JADE3: variants seen among roughly 807,000 people sequenced by gnomAD.
JADE3 encodes protein Jade-3.
JADE3 carries 2 observed loss-of-function variants against 50.1 expected under a neutral mutation model. The observed-to-expected ratio is 0.04, with a 90% CI of 0.02 to 0.13. JADE3 has a LOEUF of 0.13. JADE3 is among the 10% of genes least tolerant of loss of function. The pLI, the probability that JADE3 is intolerant of heterozygous loss-of-function variation, is 1.00. For missense variants in JADE3, 475 were observed against 634.4 expected (o/e 0.75, Z 2.70); for synonymous variants, 218 against 232.9 (o/e 0.94, Z 0.58).
intron 3 of JADE3, among the ~76,000 whole-genome samples, chrX:46,986,071 A>T (rs900610068): frequency 9.0e-6 from 1 of 111,243 alleles, no homozygotes; most frequent in African/African-American, 3.3e-5. Flanking sequence ...GTGATCACAT[A>T]TGCTAGCTCT....
At chrX:46,995,928 G>A (rs1398760098) in intron 3 of JADE3, among the ~76,000 whole-genome samples, 1 of 112,450 alleles carries the variant, frequency 8.9e-6, no homozygotes, top group Non-Finnish European at 1.9e-5. Context: ...TTTCTCTAAA[G>A]GGGAAGGAAA....
chrX:46,997,974 G>A (rs1602401164), intron 3 of JADE3, 146 bp from the exon 4 acceptor site: 6 of 454,673 alleles, frequency 1.3e-5, no homozygotes, highest in African/African-American at 4.8e-5. Flanking sequence ...TTTCCAAACA[G>A]AAGTTGATCT....
chrX:47,024,231 C>A (rs1360814072), intron 4 of JADE3, among the ~76,000 whole-genome samples: 1 of 112,141 alleles, frequency 8.9e-6, no homozygotes, highest in African/African-American at 3.2e-5. Context: ...CGCCAGTAAT[C>A]CCAACACTTT....
intron 6 of JADE3, among the ~76,000 whole-genome samples, chrX:47,032,937 G>T: frequency 9.0e-6 from 1 of 111,522 alleles, no homozygotes; most frequent in Non-Finnish European, 1.9e-5. Flanking sequence ...AGCAAAAAGG[G>T]AGTCTAGAAT....
chrX:46,951,585 C>CAAAAAAAA (rs1157479710), intron 1 of JADE3, among the ~76,000 whole-genome samples: 2 of 73,091 alleles, frequency 2.7e-5, no homozygotes, highest in Non-Finnish European at 5.1e-5. Context: ...GACTCCGTCT[C>CAAAAAAAA]AAAAAAAAAA....
At chrX:47,003,085 G>A (rs782465327) in intron 4 of JADE3, among the ~76,000 whole-genome samples, 6 of 111,431 alleles carry the variant, frequency 5.4e-5, no homozygotes, top group African/African-American at 2.0e-4. Context: ...TCTTCAGCCT[G>A]TTAATGTTAT....
At chrX:46,913,924 A>G (rs947525538) in intron 1 of JADE3, among the ~76,000 whole-genome samples, 1 of 110,311 alleles carries the variant, frequency 9.1e-6, no homozygotes, top group Non-Finnish European at 1.9e-5. Context: ...GCGTTTATCT[A>G]TGAAGCTGAG....
At chrX:46,928,916 T>A (rs781839118) in intron 1 of JADE3, among the ~76,000 whole-genome samples, 1 of 112,067 alleles carries the variant, frequency 8.9e-6, no homozygotes, top group African/African-American at 3.2e-5. Flanking sequence ...CCCAGCTGCA[T>A]GTAGCGTGAT....
chrX:47,007,807 T>TTG (rs782728907), intron 4 of JADE3, among the ~76,000 whole-genome samples: 1,632 of 70,717 alleles, frequency 0.023, 20 homozygotes, highest in African/African-American at 0.047. Flanking sequence ...TCCTTTTATT[T>TTG]TGTGTGTGTG....
chrX:46,919,738 G>A (rs781882554), intron 1 of JADE3, among the ~76,000 whole-genome samples: 48 of 111,537 alleles, frequency 4.3e-4, no homozygotes, highest in Non-Finnish European at 7.1e-4. Flanking sequence ...CATTTTGTAT[G>A]TCTTAGAGAT....
intron 1 of JADE3, among the ~76,000 whole-genome samples, chrX:46,969,251 A>G (rs1927432033): frequency 9.1e-6 from 1 of 110,220 alleles, no homozygotes; most frequent in African/African-American, 3.3e-5. Flanking sequence ...TCCCCTCTCT[A>G]CTAAAAATAC....
chrX:46,999,972 A>G (rs919068391), intron 4 of JADE3, among the ~76,000 whole-genome samples: 4 of 111,296 alleles, frequency 3.6e-5, no homozygotes, highest in Non-Finnish European at 7.5e-5. Flanking sequence ...TTTCTGTTAC[A>G]TATTAGATTT....
intron 1 of JADE3, among the ~76,000 whole-genome samples, chrX:46,963,698 G>A (rs1927310626): frequency 9.0e-6 from 1 of 111,583 alleles, no homozygotes; most frequent in African/African-American, 3.3e-5. Context: ...GGAGGTAGGA[G>A]CACAGAGCTA....
chrX:47,029,188 A>G lies in JADE3; in HGVS notation c.687+1085A>G, dbSNP rs782470783. 7.2e-5 allele frequency among the ~76,000 whole-genome samples: 8 copies of G among 111,794 alleles called. No homozygotes were observed. In the South Asian group the frequency reaches 2.9e-3, roughly 41 times the overall value. ...ATATGCCAAGTGTTTTTATAGATAT[A>G]AGTCCAAGCTGCTGTGGAAATGCAT... On this transcript the variant is annotated intron_variant, in intron 6 of 10. Transcript: ENST00000614628.
chrX:46,997,079 A>G (rs1277375935), intron 3 of JADE3, among the ~76,000 whole-genome samples: 1 of 112,188 alleles, frequency 8.9e-6, no homozygotes, highest in African/African-American at 3.2e-5. Context: ...TTGGAAAATA[A>G]TGAAATATTT....
At chrX:46,919,229 A>G (rs1417505269) in intron 1 of JADE3, among the ~76,000 whole-genome samples, 4 of 111,620 alleles carry the variant, frequency 3.6e-5, no homozygotes, top group Non-Finnish European at 7.5e-5. Context: ...TTGTGTGGCT[A>G]TTATCAAAGG....
chrX:47,023,272 C>T (rs782673622), intron 4 of JADE3, among the ~76,000 whole-genome samples: 1 of 111,626 alleles, frequency 9.0e-6, no homozygotes, highest in Admixed American at 9.5e-5. Flanking sequence ...TCTCCCTCCC[C>T]TCACTGACAG....
intron 1 of JADE3, among the ~76,000 whole-genome samples, chrX:46,977,298 G>A (rs782599803): frequency 1.8e-5 from 2 of 112,024 alleles, no homozygotes; most frequent in South Asian, 7.5e-4. Context: ...GGCAGAGGTT[G>A]CAGTGAGCTG....
rs1359386283 is a variant in JADE3, at chrX:46,999,840, A to G, written c.284+1563A>G. On this transcript the variant is annotated intron_variant, in intron 4 of 10. Transcript: ENST00000614628. ...TTTACACAAAGGTTGGCATTAAACA[A>G]AATGCTGAGTAAAAGTTTGAGTGAA... is the stretch of plus-strand genomic sequence containing the variant. 4.5e-5 allele frequency among the ~76,000 whole-genome samples: 5 copies of G among 111,435 alleles called. No homozygotes were observed. The Admixed American group carries it at 4.8e-4, about 11-fold the overall frequency.
Sources: gnomAD v4.1 joint callset for allele counts (sites outside exome capture counted in the v4.1 genomes callset) on GRCh38, gnomAD v4.1.1 for gene constraint, MANE v1.5 for transcripts, NCBI Gene and HGNC (gene_info 2026-07-23, HGNC 2026-07-21) for gene names.